The following DAAM1 variants were observed in gnomAD, a reference collection of about 807,000 sequenced individuals.
DAAM1 encodes dishevelled associated activator of morphogenesis 1, also known as disheveled-associated activator of morphogenesis 1.
In DAAM1, 52 loss-of-function variants were observed where a neutral mutation model predicts 130.0. The ratio of observed to expected loss-of-function variants is 0.40; its 90% CI spans 0.32 to 0.50. The LOEUF is 0.50. DAAM1 is among the 20% of genes least tolerant of loss of function. The pLI, the probability that DAAM1 is intolerant of heterozygous loss-of-function variation, is 0.61. For missense variants in DAAM1, 1,134 were observed against 1,303.8 expected (o/e 0.87, Z 2.01); for synonymous variants, 452 against 444.5 (o/e 1.02, Z -0.21).
chr14:59,306,529 A>G (rs1433727210), intron 3 of DAAM1, among the ~76,000 whole-genome samples: 1 of 152,112 alleles, frequency 6.6e-6, no homozygotes. Flanking sequence ...CTGTCTACAC[A>G]AGTATTTAGA....
At chr14:59,302,836 T>C (rs1217885569) in intron 3 of DAAM1, among the ~76,000 whole-genome samples, 1 of 152,062 alleles carries the variant, frequency 6.6e-6, no homozygotes, top group Non-Finnish European at 1.5e-5. Flanking sequence ...GTATTTTTAG[T>C]AGAGATGGGG....
At chr14:59,336,486 C>G (rs1256318008) in intron 15 of DAAM1, among the ~76,000 whole-genome samples, 1 of 152,144 alleles carries the variant, frequency 6.6e-6, no homozygotes. Flanking sequence ...TTGAAATAGG[C>G]CTGGAAGCAT....
At chr14:59,326,103 G>T in intron 10 of DAAM1, 26 bp downstream of exon 10, 2 of 1,597,804 alleles carry the variant, frequency 1.3e-6, no homozygotes, top group Non-Finnish European at 1.7e-6. Flanking sequence ...ACTCACATGT[G>T]TGCTTCTGAA....
intron 1 of DAAM1, among the ~76,000 whole-genome samples, chr14:59,209,322 T>C (rs533934841): frequency 6.6e-6 from 1 of 152,348 alleles, no homozygotes; most frequent in African/African-American, 2.4e-5. Flanking sequence ...ACCATTTTTG[T>C]TTTTCCATTA....
intron 1 of DAAM1, among the ~76,000 whole-genome samples, chr14:59,225,917 T>C (rs998151254): frequency 1.3e-5 from 2 of 148,896 alleles, no homozygotes; most frequent in African/African-American, 2.6e-5. Flanking sequence ...TGTATATCTA[T>C]GAATTGATAT....
At chr14:59,238,201 T>G (rs750698840) in intron 1 of DAAM1, among the ~76,000 whole-genome samples, 1 of 152,190 alleles carries the variant, frequency 6.6e-6, no homozygotes, top group African/African-American at 2.4e-5. Context: ...TGTTTCTCAG[T>G]AGAGATAGGG....
At chr14:59,325,597 C>T (rs1380686664) in intron 8 of DAAM1, 67 bp from the exon 9 acceptor site, 14 of 1,351,944 alleles carry the variant, frequency 1.0e-5, no homozygotes, top group Non-Finnish European at 1.3e-5. Flanking sequence ...ATATTAATGT[C>T]CTCAGTCTTA....
At chr14:59,253,778 G>A (rs578206411) in intron 1 of DAAM1, among the ~76,000 whole-genome samples, 1 of 152,296 alleles carries the variant, frequency 6.6e-6, no homozygotes, top group African/African-American at 2.4e-5. Flanking sequence ...TTCCCCAGGG[G>A]ACCCTGTCTA....
intron 1 of DAAM1, among the ~76,000 whole-genome samples, chr14:59,195,433 G>T (rs929153749): frequency 6.6e-6 from 1 of 152,094 alleles, no homozygotes; most frequent in Non-Finnish European, 1.5e-5. Context: ...GTGAGCCACC[G>T]CGCCTGGCCT....
chr14:59,325,606 T>C (rs1885176110), intron 8 of DAAM1, 58 bp from the exon 9 acceptor site: 3 of 1,447,624 alleles, frequency 2.1e-6, no homozygotes, highest in Non-Finnish European at 1.9e-6. Flanking sequence ...TCCTCAGTCT[T>C]ATGCACCTGT....
chr14:59,212,589 A>T (rs1042290118), intron 1 of DAAM1, among the ~76,000 whole-genome samples: 2 of 152,238 alleles, frequency 1.3e-5, no homozygotes, highest in African/African-American at 2.4e-5. Context: ...TTCCACTGCC[A>T]TGCTAGACAA....
At chr14:59,336,690 T>A (rs970194019) in intron 15 of DAAM1, among the ~76,000 whole-genome samples, 1 of 152,238 alleles carries the variant, frequency 6.6e-6, no homozygotes, top group African/African-American at 2.4e-5. Flanking sequence ...CACTTATTGC[T>A]GATGGTGGTC....
intron 1 of DAAM1, among the ~76,000 whole-genome samples, chr14:59,245,345 G>C (rs563166944): frequency 6.6e-6 from 1 of 152,158 alleles, no homozygotes; most frequent in South Asian, 2.1e-4. Flanking sequence ...GTTTAAGTTT[G>C]GGTCAGAAGC....
At position 59,320,572 on chromosome 14, in the gene DAAM1, C is replaced by G. The variant is rs1267063330; in HGVS notation, c.428C>G (p.Thr143Arg). The change falls in exon 5 of 25, where the codon ACA (threonine) becomes AGA (arginine). Residue 143 changes from threonine (T) to arginine (R), a missense_variant. Coordinates refer to ENST00000360909, the MANE Select transcript of DAAM1 (RefSeq NM_001270520.2). ...GAGAGTTTAAAGACAGCACTGAGGA[C>G]AAAACCAATGAGGTAATTTTCCCCT... The part of the protein sequence containing the change: ...TIESLKTALR[T>R]KPMRFVTRFI... The G allele has an allele frequency of 6.4e-7, 1 of 1,560,858 alleles. No homozygotes were observed. The highest frequency in any genetic ancestry group is 1.3e-5 in the South Asian group (1 of 79,798).
At chr14:59,346,226 ATT>A (rs1438563607) in intron 16 of DAAM1, among the ~76,000 whole-genome samples, 1 of 151,300 alleles carries the variant, frequency 6.6e-6, no homozygotes, top group Non-Finnish European at 1.5e-5. Flanking sequence ...TTTATAAAAA[ATT>A]TTTTGCTCTA....
intron 3 of DAAM1, among the ~76,000 whole-genome samples, chr14:59,307,114 G>C (rs1224240422): frequency 1.3e-5 from 2 of 152,190 alleles, no homozygotes; most frequent in Non-Finnish European, 2.9e-5. Context: ...ATAGTGAAAT[G>C]GAGTAAATAT....
intron 6 of DAAM1, 61 bp from the exon 7 acceptor site, chr14:59,324,067 A>G: frequency 1.7e-6 from 2 of 1,150,378 alleles, no homozygotes; most frequent in Non-Finnish European, 2.3e-6. Context: ...GTATAAAAAA[A>G]TTCATAAAAT....
At chr14:59,233,101 A>G (rs755757023) in intron 1 of DAAM1, among the ~76,000 whole-genome samples, 6 of 152,128 alleles carry the variant, frequency 3.9e-5, no homozygotes, top group Non-Finnish European at 7.4e-5. Context: ...ATAAACATAC[A>G]TGTGCATGTG....
intron 1 of DAAM1, among the ~76,000 whole-genome samples, chr14:59,192,149 GGTGTGTGTGTGTGTGTGTGTGTGT>G (rs55791691): frequency 7.2e-6 from 1 of 138,558 alleles, no homozygotes; most frequent in Non-Finnish European, 1.5e-5. Context: ...CTTGTTAAGG[GGTGTGTGTGTGTGTGTGTGTGTGT>G]GTGTGTGTGT....
Sources: allele counts gnomAD v4.1 joint callset (sites outside exome capture counted in the v4.1 genomes callset), GRCh38; gene constraint gnomAD v4.1.1; transcripts MANE v1.5; gene names NCBI Gene and HGNC (gene_info 2026-07-23, HGNC 2026-07-21).